Variants in VPS53 observed in about 807,000 individuals in gnomAD.
VPS53 encodes vacuolar protein sorting-associated protein 53 homolog.
A neutral mutation model predicts 107.0 loss-of-function variants in VPS53; 70 were observed. The ratio of observed to expected loss-of-function variants is 0.65; its 90% CI spans 0.54 to 0.80. The LOEUF is 0.80. VPS53 is among the 30% of genes least tolerant of loss of function. VPS53 has a pLI of 0.00. For synonymous variants in VPS53, 409 were observed against 393.3 expected (o/e 1.04, Z -0.47); for missense variants, 917 against 1,049.4 (o/e 0.87, Z 1.74).
intron 13 of VPS53, among the ~76,000 whole-genome samples, chr17:564,887 T>A (rs553390075): frequency 6.6e-6 from 1 of 152,326 alleles, no homozygotes; most frequent in South Asian, 2.1e-4. Context: ...CTGCAGTAAC[T>A]GCTGCCTGCA....
chr17:553,510 G>T, intron 15 of VPS53, 48 bp from the exon 16 acceptor site: 3 of 1,368,654 alleles, frequency 2.2e-6, no homozygotes, highest in Non-Finnish European at 3.1e-6. Context: ...ATTATCCAAA[G>T]AAGTACCATC....
intron 19 of VPS53, among the ~76,000 whole-genome samples, chr17:529,231 T>C (rs9908345): frequency 0.17 from 25,239 of 152,208 alleles, 5,157 homozygotes; most frequent in African/African-American, 0.47. Flanking sequence ...GTTGGCCTCT[T>C]TGTCCCTGGG....
chr17:567,337 C>T (rs562781522), intron 13 of VPS53, among the ~76,000 whole-genome samples: 6 of 152,042 alleles, frequency 3.9e-5, no homozygotes, highest in African/African-American at 1.5e-4. Context: ...TTGGGGAAAC[C>T]TTCCCCTGCC....
intron 2 of VPS53, among the ~76,000 whole-genome samples, chr17:709,482 C>T (rs1344208106): frequency 6.6e-6 from 1 of 152,192 alleles, no homozygotes; most frequent in Non-Finnish European, 1.5e-5. Context: ...TACCTCCTCT[C>T]TGAAGTTGTG....
chr17:593,662 G>A (rs565365389), intron 12 of VPS53, among the ~76,000 whole-genome samples: 70 of 152,166 alleles, frequency 4.6e-4, no homozygotes, highest in Middle Eastern at 3.2e-3. Context: ...GGAAACAACC[G>A]GTGCTGGAGA....
rs548361302 is a variant in VPS53, at chr17:612,950, T to C, written c.1116+10583A>G. On this transcript the variant is annotated intron_variant, in intron 11 of 21. Coordinates refer to ENST00000437048, the MANE Select transcript of VPS53 (RefSeq NM_001128159.3). ...GATATTCACAGCAGTATTCAAATAGTGAATTCACACAGTGAAAACCTGTAC... is the reference window on the plus strand; with the variant it reads ...GATATTCACAGCAGTATTCAAATAGCGAATTCACACAGTGAAAACCTGTAC... Among the ~76,000 whole-genome samples the C allele has an allele frequency of 6.5e-4, 97 of 148,702 alleles. 1 individual carries two copies. Among genetic ancestry groups the C allele is most frequent in the South Asian group, 3.8e-3 (18 of 4,704 alleles).
At chr17:673,108 T>C in intron 4 of VPS53, among the ~76,000 whole-genome samples, 1 of 136,872 alleles carries the variant, frequency 7.3e-6, no homozygotes. Flanking sequence ...CAAGATTCCG[T>C]CGCAAAAAAA....
chr17:711,183 C>T (rs1973630409), intron 1 of VPS53, among the ~76,000 whole-genome samples: 1 of 152,192 alleles, frequency 6.6e-6, no homozygotes, highest in Non-Finnish European at 1.5e-5. Context: ...GAACTCCAGC[C>T]TGGGCGACAG....
rs763010673 is a variant in VPS53 at position 521,503 on chromosome 17, G to A, written c.2223+98C>T. ...CCAAGAATGTGGACCATGCTTTGAG[G>A]CCGGTGAGGATAGGACCTACCCTGT... is the stretch of plus-strand genomic sequence containing the variant. On this transcript the variant is annotated intron_variant, in intron 20 of 21. Transcript: ENST00000437048. The A allele has an allele frequency of 5.9e-5, 76 of 1,278,370 alleles. No homozygotes were observed. The Middle Eastern group carries it at 2.6e-3, about 44-fold the overall frequency. 79.2% of individuals were successfully genotyped at this position (1,278,370 alleles called of 1,614,324 possible).
chr17:696,943 C>T (rs962131584), intron 4 of VPS53, among the ~76,000 whole-genome samples: 1 of 152,084 alleles, frequency 6.6e-6, no homozygotes, highest in African/African-American at 2.4e-5. Flanking sequence ...CAGGCGTGAG[C>T]CGCTGTGCCC....
At position 516,212 on chromosome 17, in the gene VPS53, CAT is replaced by C. The variant is rs1908301106; in HGVS notation, c.*2914_*2915del. On this transcript the variant is annotated 3_prime_UTR_variant, in exon 22 of 22. Transcript: ENST00000437048. The stretch of plus-strand genomic sequence containing the variant: ...TTTAGCTTAGAGTCAGAAAAATAGA[CAT>C]GTATGAAAATGCGTGGCAGGAGCCC... 6.6e-6 allele frequency: 1 copy of C among 152,096 alleles called. No individual in the cohort carries two copies. The highest frequency in any genetic ancestry group is 6.6e-5 in the Admixed American group (1 of 15,266). 9.4% of individuals were successfully genotyped at this position (152,096 alleles called of 1,614,324 possible).
At chr17:633,335 G>T in intron 7 of VPS53, among the ~76,000 whole-genome samples, 1 of 152,146 alleles carries the variant, frequency 6.6e-6, no homozygotes, top group East Asian at 1.9e-4. Flanking sequence ...AGGCCCTGCT[G>T]GGCTTCCTGA....
intron 5 of VPS53, chr17:656,728 G>GTGTGTGTGTGTGTGTGTT: frequency 1.6e-6 from 1 of 622,242 alleles, no homozygotes; most frequent in Non-Finnish European, 2.9e-6. Flanking sequence ...GTGTGTGTGT[G>GTGTGTGTGTGTGTGTGTT]TGTTTTATCA....
chr17:694,196 G>A (rs59580808), intron 4 of VPS53, among the ~76,000 whole-genome samples: 2,056 of 152,288 alleles, frequency 0.014, 52 homozygotes, highest in African/African-American at 0.046. Context: ...CTAAGGAGAC[G>A]AATACAAAGT....
At chr17:679,445 C>T (rs994556592) in intron 4 of VPS53, among the ~76,000 whole-genome samples, 1 of 151,816 alleles carries the variant, frequency 6.6e-6, no homozygotes, top group Admixed American at 6.6e-5. Context: ...ACCCAGGAGG[C>T]GGAGCTTGCA....
intron 4 of VPS53, among the ~76,000 whole-genome samples, chr17:670,136 A>G (rs908641251): frequency 3.1e-4 from 47 of 152,072 alleles, no homozygotes; most frequent in African/African-American, 1.1e-3. Flanking sequence ...CCTGCATCCT[A>G]AAGTGTTATA....
intron 15 of VPS53, among the ~76,000 whole-genome samples, 168 bp from the exon 16 acceptor site, chr17:553,630 G>A (rs1045311802): frequency 6.8e-6 from 1 of 147,568 alleles, no homozygotes; most frequent in African/African-American, 2.5e-5. Flanking sequence ...GAGTGCAGTG[G>A]TGCGACCTCG....
intron 7 of VPS53, among the ~76,000 whole-genome samples, chr17:640,882 C>A (rs965526209): frequency 6.6e-6 from 1 of 151,846 alleles, no homozygotes; most frequent in African/African-American, 2.4e-5. Flanking sequence ...GAGACGAAGT[C>A]TCACTCTTGT....
chr17:535,046 G>GTAAC (rs1234651088), intron 18 of VPS53, among the ~76,000 whole-genome samples: 1 of 152,192 alleles, frequency 6.6e-6, no homozygotes, highest in Non-Finnish European at 1.5e-5. Flanking sequence ...AATGTGCTGG[G>GTAAC]TAACTGCCAA....
Sources: gnomAD v4.1 joint callset for allele counts (sites outside exome capture counted in the v4.1 genomes callset) on GRCh38, gnomAD v4.1.1 for gene constraint, MANE v1.5 for transcripts, NCBI Gene and HGNC (gene_info 2026-07-23, HGNC 2026-07-21) for gene names.